NOTCH1: variants seen among roughly 807,000 people sequenced by gnomAD.
NOTCH1 encodes notch receptor 1.
NOTCH1 carries 37 observed loss-of-function variants against 254.8 expected under a neutral mutation model. The ratio of observed to expected loss-of-function variants is 0.15; its 90% CI spans 0.11 to 0.19. The LOEUF (loss-of-function observed/expected upper bound fraction) is 0.19. Among genes scored for constraint, NOTCH1 ranks in the 10% least tolerant of loss-of-function variants. The probability of loss-of-function intolerance (pLI) is 1.00; values close to 1 mark genes in which losing one functional copy is unlikely to be tolerated. For missense variants in NOTCH1, 2,972 were observed against 3,708.6 expected (o/e 0.80, Z 5.16); for synonymous variants, 1,731 against 1,618.1 (o/e 1.07, Z -1.68).
In NOTCH1 at chr9:136,540,771, G is replaced by T. The variant is rs1246484990; in HGVS notation, c.140+3253C>A. Among the ~76,000 whole-genome samples, 1 of 152,132 alleles carries T rather than the reference G, an allele frequency of 6.6e-6. No individual in the cohort carries two copies. Among genetic ancestry groups the T allele is most frequent in the Non-Finnish European group, 1.5e-5 (1 of 68,018 alleles). On this transcript the variant is annotated intron_variant, in intron 2 of 33. Transcript: ENST00000651671. The surrounding 1 kb of genome is among the most constrained non-coding windows in gnomAD (Gnocchi z 4.4). ...AGCTGGACATCCTCCTGGAGGTGCT[G>T]GGTGTGACAGCCTACCCCCATTTCT...
Position 136,494,653 on chromosome 9 carries a change from G to A in NOTCH1, c.*1418C>T, listed in dbSNP as rs1023302307. 271 of 398,800 alleles carry A rather than the reference G, an allele frequency of 6.8e-4. No homozygotes were observed. The highest frequency in any genetic ancestry group is 2.7e-4 in the Non-Finnish European group (60 of 226,044). 24.7% of individuals were successfully genotyped at this position (398,800 alleles called of 1,614,324 possible). ...ACGCGGCCCCCGTAGAGCCGGGGGA[G>A]GCTGCCCTGAGGAGTGCAGGCGGCA... On this transcript the variant is annotated 3_prime_UTR_variant, in exon 34 of 34. Coordinates refer to ENST00000651671, the MANE Select transcript of NOTCH1 (RefSeq NM_017617.5).
At position 136,506,864 on chromosome 9, in the gene NOTCH1, G is replaced by A. The variant is rs2133343832; in HGVS notation, c.3753C>T (p.Tyr1251=). 1.2e-6 allele frequency: 2 copies of A among 1,611,784 alleles called. No homozygotes were observed. The highest frequency in any genetic ancestry group is 1.7e-6 in the Non-Finnish European group (2 of 1,179,494). ...NGTCVDQVGG[Y]SCTCPPGFVG... Reference sequence around the variant, plus strand: ...CGAAGCCCGGCGGGCAGGTGCAGCTGTAGCCGCCCACCTGGTCCACGCAGG... The same window carrying A: ...CGAAGCCCGGCGGGCAGGTGCAGCTATAGCCGCCCACCTGGTCCACGCAGG... Residue 1251 remains tyrosine (Y), a synonymous_variant, in exon 23 of 34, where the codon TAC becomes TAT. Transcript: ENST00000651671. This position sits in a 1 kb window ranked among gnomAD's most constrained non-coding sequence, Gnocchi z 4.5.
At chr9:136,511,611 G>A (rs1475716911) in intron 15 of NOTCH1, among the ~76,000 whole-genome samples, 2 of 152,336 alleles carry the variant, frequency 1.3e-5, no homozygotes, top group African/African-American at 2.4e-5. Context: ...CAGTCGGGTG[G>A]GCTCCACGAC....
chr9:136,532,786 C>A (rs1174265619), intron 2 of NOTCH1, among the ~76,000 whole-genome samples: 1 of 152,196 alleles, frequency 6.6e-6, no homozygotes, highest in Non-Finnish European at 1.5e-5. Flanking sequence ...GCACGGCCCA[C>A]GTGGGGGAAA....
At chr9:136,543,443 A>G in intron 2 of NOTCH1, 1 of 253,944 alleles carries the variant, frequency 3.9e-6, no homozygotes, top group South Asian at 3.4e-5. Flanking sequence ...AGGAGGTGGC[A>G]TCACCTGTGC....
chr9:136,505,728 G>A lies in NOTCH1; in HGVS notation c.4168C>T (p.Pro1390Ser), dbSNP rs191645600. Reference protein sequence around the residue: ...GPECQFPASSPCLGGNPCYNQ... With the variant: ...GPECQFPASSSCLGGNPCYNQ... Reference sequence around the variant, plus strand: ...TAGCAGGGGTTGCCGCCCAGGCAGGGGCTGCTGGCCGGGAACTGGCATTCG... The same window carrying A: ...TAGCAGGGGTTGCCGCCCAGGCAGGAGCTGCTGGCCGGGAACTGGCATTCG... Residue 1390 changes from proline (P) to serine (S), a missense_variant, in exon 25 of 34, where the codon CCC becomes TCC. Physicochemically the swap from Pro to Ser is moderately conservative, Grantham distance 74. This residue lies in a region of NOTCH1 where 1,343 missense variants were observed against 1,557.0 expected (regional missense o/e 0.86). Coordinates refer to ENST00000651671, the MANE Select transcript of NOTCH1 (RefSeq NM_017617.5). 1.3e-6 allele frequency: 2 copies of A among 1,595,712 alleles called. No individual in the cohort carries two copies. Among genetic ancestry groups the A allele is most frequent in the Non-Finnish European group, 8.6e-7 (1 of 1,169,086 alleles).
chr9:136,529,097 A>G (rs1220416023), intron 2 of NOTCH1, among the ~76,000 whole-genome samples: 1 of 152,046 alleles, frequency 6.6e-6, no homozygotes. Context: ...CTCTGCTAAG[A>G]CCCAGCAAGG....
At chr9:136,515,923 G>A in intron 10 of NOTCH1, 58 bp downstream of exon 10, 2 of 1,404,870 alleles carry the variant, frequency 1.4e-6, no homozygotes. Context: ...CAGTTTCACT[G>A]CCCTGAGTGC....
At chr9:136,518,509 CCACAGTCCCTGGG>C in intron 6 of NOTCH1, 69 bp downstream of exon 6, 1 of 1,349,086 alleles carries the variant, frequency 7.4e-7, no homozygotes, top group Non-Finnish European at 1.0e-6. Flanking sequence ...TGCAGGAGGG[CCACAGTCCCTGGG>C]TGAGGTCACA....
intron 2 of NOTCH1, among the ~76,000 whole-genome samples, chr9:136,527,922 A>G (rs937526221): frequency 1.3e-5 from 2 of 151,964 alleles, no homozygotes; most frequent in Non-Finnish European, 2.9e-5. Flanking sequence ...CCGCCTCAGT[A>G]TTTCCACTGT....
chr9:136,517,284 C>G lies in NOTCH1; in HGVS notation c.1543G>C (p.Glu515Gln), dbSNP rs749085650. The G allele has an allele frequency of 1.6e-5, 25 of 1,602,668 alleles. No individual in the cohort carries two copies. In the Admixed American group the frequency reaches 2.2e-4, roughly 14 times the overall value. ...CLDKINEFQC[E>Q]CPTGFTGHLC... is the part of the protein sequence containing the mutation. ...GGGTGGCCCTCACCCGTGGGGCACTCGCACTGGAACTCATTGATCTTGTCC... is the reference window on the plus strand; with the variant it reads ...GGGTGGCCCTCACCCGTGGGGCACTGGCACTGGAACTCATTGATCTTGTCC... The change falls in exon 9 of 34, where the codon GAG (glutamate) becomes CAG (glutamine). Residue 515 changes from glutamate (E) to glutamine (Q), a missense_variant. Coordinates refer to ENST00000651671, the MANE Select transcript of NOTCH1 (RefSeq NM_017617.5).
At chr9:136,524,630 TTTTC>T (rs1249205073) in intron 2 of NOTCH1, among the ~76,000 whole-genome samples, 1 of 128,228 alleles carries the variant, frequency 7.8e-6, no homozygotes, top group East Asian at 2.7e-4. Flanking sequence ...AAGCCTTTCT[TTTTC>T]TTTTCTTTTT....
chr9:136,496,096 G>A lies in NOTCH1; in HGVS notation c.7643C>T (p.Ala2548Val), dbSNP rs1390325834. 2.5e-6 allele frequency: 4 copies of A among 1,607,274 alleles called. No individual in the cohort carries two copies. The African/African-American group carries it at 5.3e-5, about 21-fold the overall frequency. ...TTACTTGAAGGCCTCCGGAATGCGG[G>A]CGATCTGGGACTGCATGCTGGTGGG... ...SPPTSMQSQI[A>V]RIPEAFK The change falls in exon 34 of 34, where the codon GCC becomes GTC. Residue 2548 changes from alanine (A) to valine (V), a missense_variant. By Grantham distance (64) the Ala-to-Val change is moderately conservative (BLOSUM62 0). Coordinates refer to ENST00000651671, the MANE Select transcript of NOTCH1 (RefSeq NM_017617.5).
In NOTCH1 at chr9:136,496,267, G is replaced by T. The variant is rs757165853; in HGVS notation, c.7472C>A (p.Ser2491Tyr). 1.0e-5 allele frequency: 16 copies of T among 1,601,922 alleles called. No individual in the cohort carries two copies. The highest frequency in any genetic ancestry group is 1.3e-5 in the Non-Finnish European group (15 of 1,173,722). ...FLTPPSQHSY[S>Y]SPVDNTPSHQ... ...GCTGGGGGTGTTGTCCACAGGCGAG[G>T]AGTAGCTGTGCTGCGAGGGGGGCGT... Residue 2491 changes from serine to tyrosine, a missense_variant, in exon 34 of 34, where the codon TCC becomes TAC. This residue lies in a region of NOTCH1 where 85 missense variants were observed against 126.1 expected (regional missense o/e 0.67). Coordinates refer to ENST00000651671, the MANE Select transcript of NOTCH1 (RefSeq NM_017617.5).
chr9:136,511,734 G>A (rs528861306), intron 15 of NOTCH1, among the ~76,000 whole-genome samples: 111 of 152,358 alleles, frequency 7.3e-4, no homozygotes, highest in African/African-American at 2.5e-3. Flanking sequence ...CCGTGTCACA[G>A]GCAGCAAACG....
At chr9:136,498,832 G>A in intron 33 of NOTCH1, 67 bp downstream of exon 33, 1 of 1,574,322 alleles carries the variant, frequency 6.4e-7, no homozygotes, top group Non-Finnish European at 8.7e-7. Context: ...CGCCCCGTGG[G>A]TTTGGCCCTC....
At chr9:136,544,157 G>A (rs1274934796) in intron 1 of NOTCH1, 55 bp from the exon 2 acceptor site, 2 of 1,501,062 alleles carry the variant, frequency 1.3e-6, no homozygotes, top group East Asian at 2.4e-5. Flanking sequence ...CACCACCGAA[G>A]GCCCTGGTTA....
intron 17 of NOTCH1, 57 bp downstream of exon 17, chr9:136,510,596 G>A (rs917821652): frequency 1.3e-5 from 21 of 1,568,054 alleles, no homozygotes; most frequent in East Asian, 4.6e-5. Flanking sequence ...AACCCTGCCC[G>A]GGGGAACTGA....
In NOTCH1 at chr9:136,506,356, A is replaced by G. The variant is rs1843084053; in HGVS notation, c.4014+171T>C. Among the ~76,000 whole-genome samples the G allele has an allele frequency of 6.6e-6, 1 of 151,442 alleles. No individual in the cohort carries two copies. Among genetic ancestry groups the G allele is most frequent in the South Asian group, 2.1e-4 (1 of 4,806 alleles). ...CTGCTCCATTTTTCTATAAATCTAA[A>G]ATGTCTCTAAAATCATTTATTGAAA... On this transcript the variant is annotated intron_variant, in intron 24 of 33. Coordinates refer to ENST00000651671, the MANE Select transcript of NOTCH1 (RefSeq NM_017617.5). The surrounding 1 kb of genome is among the most constrained non-coding windows in gnomAD (Gnocchi z 4.5).
Sources: allele counts gnomAD v4.1 joint callset (sites outside exome capture counted in the v4.1 genomes callset), GRCh38; gene constraint gnomAD v4.1.1; regional missense constraint gnomAD v4.1.1; non-coding constraint Gnocchi (gnomAD v3.1); transcripts MANE v1.5; gene names NCBI Gene and HGNC (gene_info 2026-07-23, HGNC 2026-07-21).